The following ECT2L variants were observed in gnomAD, a reference collection of about 807,000 sequenced individuals.
The protein encoded by ECT2L is epithelial cell transforming 2 like, also known as epithelial cell-transforming sequence 2 oncogene-like.
Under a neutral mutation model 122.8 loss-of-function variants are expected in ECT2L, and 126 were observed. The observed-to-expected ratio is 1.03, with a 90% confidence interval of 0.89 to 1.19. The LOEUF (loss-of-function observed/expected upper bound fraction) is 1.19. ECT2L is among the 50% of genes most tolerant of loss of function. The pLI is 0.00. For missense variants in ECT2L, 1,012 were observed against 1,064.1 expected (o/e 0.95, Z 0.68); for synonymous variants, 385 against 381.8 (o/e 1.01, Z -0.10).
At position 138,826,349 on chromosome 6, in the gene ECT2L, AATT is replaced by A. The variant is rs1776450596; in HGVS notation, c.179+11750_179+11752del. Among the ~76,000 whole-genome samples, 4 of 152,336 alleles carry A rather than the reference AATT, an allele frequency of 2.6e-5. No individual in the cohort carries two copies. In the South Asian group the frequency reaches 8.3e-4, roughly 32 times the overall value. ...ACAGCAAGGTAGATTGTTTACTAGA[AATT>A]ATTTTTTCTTTATTTTGGGAAAATT... On this transcript the variant is annotated intron_variant, in intron 4 of 21. Coordinates refer to ENST00000541398, the MANE Select transcript of ECT2L (RefSeq NM_001077706.3).
chr6:138,871,302 A>G (rs1443716322), intron 13 of ECT2L, among the ~76,000 whole-genome samples: 1 of 152,148 alleles, frequency 6.6e-6, no homozygotes, highest in African/African-American at 2.4e-5. Flanking sequence ...CTCACCATGG[A>G]GGGCTGCTAG....
intron 4 of ECT2L, among the ~76,000 whole-genome samples, chr6:138,825,829 T>C (rs1303693475): frequency 6.6e-6 from 1 of 152,242 alleles, no homozygotes; most frequent in Non-Finnish European, 1.5e-5. Flanking sequence ...CACATGCTTC[T>C]TCATTTCCTT....
chr6:138,860,200 TA>T (rs1777774634), intron 10 of ECT2L, among the ~76,000 whole-genome samples: 1 of 152,212 alleles, frequency 6.6e-6, no homozygotes, highest in Admixed American at 6.5e-5. Context: ...GCATCATATC[TA>T]AAAACGATTT....
At chr6:138,873,323 CA>C (rs1215454487) in intron 13 of ECT2L, among the ~76,000 whole-genome samples, 3 of 152,210 alleles carry the variant, frequency 2.0e-5, no homozygotes, top group Admixed American at 1.3e-4. Flanking sequence ...GCCCACAGAA[CA>C]AATGCGGAGA....
chr6:138,835,202 G>C (rs1006029164), intron 4 of ECT2L, among the ~76,000 whole-genome samples: 3 of 152,106 alleles, frequency 2.0e-5, no homozygotes, highest in Non-Finnish European at 1.5e-5. Context: ...TGCAAGAATA[G>C]TACAAATAAT....
Position 138,813,248 on chromosome 6 carries a change from G to C in ECT2L, c.-27G>C. On this transcript the variant is annotated 5_prime_UTR_variant, in exon 3 of 22. Coordinates refer to ENST00000541398, the MANE Select transcript of ECT2L (RefSeq NM_001077706.3). ...AAGAAAATTTGCTGAGACGTCAGCT[G>C]GGGATTCTTCCTGGAGAACTCCAGA... is the stretch of plus-strand genomic sequence containing the variant. 9 of 1,591,242 alleles carry C rather than the reference G, an allele frequency of 5.7e-6. No homozygotes were observed. Among genetic ancestry groups the C allele is most frequent in the Non-Finnish European group, 7.7e-6 (9 of 1,170,432 alleles).
intron 5 of ECT2L, among the ~76,000 whole-genome samples, chr6:138,839,579 G>T (rs1229760280): frequency 6.6e-6 from 1 of 151,844 alleles, no homozygotes. Context: ...GGCCAGGCTG[G>T]TCTTGAACTC....
At chr6:138,874,871 A>C (rs1284238720) in intron 13 of ECT2L, among the ~76,000 whole-genome samples, 1 of 152,090 alleles carries the variant, frequency 6.6e-6, no homozygotes, top group African/African-American at 2.4e-5. Flanking sequence ...AGGCAGGAGG[A>C]ACACTTGAAT....
chr6:138,817,687 T>C (rs1191645371), intron 4 of ECT2L, among the ~76,000 whole-genome samples: 1 of 152,232 alleles, frequency 6.6e-6, no homozygotes, highest in Non-Finnish European at 1.5e-5. Flanking sequence ...AAGTATTCCC[T>C]AGTAAGTTTT....
At chr6:138,875,563 G>T (rs1778412270) in intron 13 of ECT2L, among the ~76,000 whole-genome samples, 1 of 152,252 alleles carries the variant, frequency 6.6e-6, no homozygotes, top group Non-Finnish European at 1.5e-5. Flanking sequence ...ACTGCAGGCA[G>T]CAGGGGTGGG....
chr6:138,832,641 C>T (rs1249735880), intron 4 of ECT2L, among the ~76,000 whole-genome samples: 1 of 152,104 alleles, frequency 6.6e-6, no homozygotes, highest in African/African-American at 2.4e-5. Context: ...CCTGCAAGGT[C>T]TGGACTCCTG....
chr6:138,869,571 G>A (rs1325601654), intron 13 of ECT2L, among the ~76,000 whole-genome samples: 1 of 152,212 alleles, frequency 6.6e-6, no homozygotes, highest in Non-Finnish European at 1.5e-5. Context: ...GGCGAGCCTT[G>A]CTGATAAAAT....
rs573284699 is a variant in ECT2L, at chr6:138,850,688, T to G, written c.1069+1254T>G. Among the ~76,000 whole-genome samples, 7 of 152,232 alleles carry G rather than the reference T, an allele frequency of 4.6e-5. No individual in the cohort carries two copies. The South Asian group carries it at 1.2e-3, about 27-fold the overall frequency. On this transcript the variant is annotated intron_variant, in intron 9 of 21. Coordinates refer to ENST00000541398, the MANE Select transcript of ECT2L (RefSeq NM_001077706.3). ...GAAATGGGATTGATGGATTATATGA[T>G]AGTTCTATTTTTACCTTTTAAAGAA...
At chr6:138,899,248 T>A (rs1485682362) in intron 20 of ECT2L, among the ~76,000 whole-genome samples, 1 of 151,914 alleles carries the variant, frequency 6.6e-6, no homozygotes, top group African/African-American at 2.4e-5. Flanking sequence ...AGAACACCCA[T>A]CAATAGCAGA....
At chr6:138,865,423 G>T (rs1431550635) in intron 12 of ECT2L, among the ~76,000 whole-genome samples, 3 of 152,086 alleles carry the variant, frequency 2.0e-5, no homozygotes, top group African/African-American at 4.8e-5. Context: ...ATTAATTCTT[G>T]TTTGTCACTT....
intron 1 of ECT2L, among the ~76,000 whole-genome samples, chr6:138,812,241 A>G (rs772693774): frequency 3.3e-5 from 5 of 152,188 alleles, no homozygotes; most frequent in Non-Finnish European, 7.4e-5. Flanking sequence ...CTGTGAGAAA[A>G]TAAGTTTCTG....
chr6:138,900,164 T>C (rs1431136232), intron 20 of ECT2L, among the ~76,000 whole-genome samples: 2 of 152,236 alleles, frequency 1.3e-5, no homozygotes, highest in Non-Finnish European at 2.9e-5. Context: ...TATTTACTTC[T>C]ACATAGTTAA....
intron 4 of ECT2L, among the ~76,000 whole-genome samples, chr6:138,834,436 C>T (rs1290241802): frequency 6.6e-6 from 1 of 152,020 alleles, no homozygotes; most frequent in African/African-American, 2.4e-5. Flanking sequence ...AAATATAAAA[C>T]ATGTATAACC....
Position 138,885,543 on chromosome 6 carries a change from A to G in ECT2L, c.2066A>G (p.Lys689Arg), listed in dbSNP as rs781467404. ...ATACCAGCATTCCGAACTTTCCTGA[A>G]GAGGCATGATAAGACCATTGTTACC... ...EMIPAFRTFLKRHDKTIVTKM... is the reference protein window; with the variant it reads ...EMIPAFRTFLRRHDKTIVTKM... Residue 689 changes from lysine to arginine, a missense_variant, in exon 17 of 22, where the codon AAG (lysine) becomes AGG (arginine). Lys to Arg is a conservative substitution (Grantham distance 26). Transcript: ENST00000541398. The G allele has an allele frequency of 1.2e-6, 2 of 1,614,194 alleles. No homozygotes were observed. The highest frequency in any genetic ancestry group is 1.7e-6 in the Non-Finnish European group (2 of 1,180,036).
Sources: gnomAD v4.1 joint callset for allele counts (sites outside exome capture counted in the v4.1 genomes callset) on GRCh38, gnomAD v4.1.1 for gene constraint, MANE v1.5 for transcripts, NCBI Gene and HGNC (gene_info 2026-07-23, HGNC 2026-07-21) for gene names.